Variants in MARCO observed in about 807,000 individuals in gnomAD.
The protein encoded by MARCO is macrophage receptor with collagenous structure.
MARCO carries 72 observed loss-of-function variants against 70.0 expected under a neutral mutation model. That is an observed-to-expected ratio of 1.03 (90% CI 0.85 to 1.25). The LOEUF (loss-of-function observed/expected upper bound fraction) is 1.25, where lower values mean the gene tolerates loss of function less well. Among genes scored for constraint, MARCO ranks in the 50% most tolerant of loss-of-function variants. MARCO has a pLI of 0.00. For missense variants in MARCO, 696 were observed against 659.3 expected (o/e 1.06, Z -0.61); for synonymous variants, 273 against 243.1 (o/e 1.12, Z -1.14).
In MARCO at chr2:118,990,570, T is replaced by TGTG; in HGVS notation, c.1064-19_1064-18insGTG. 9.3e-7 allele frequency: 1 copy of TGTG among 1,075,614 alleles called. No homozygotes were observed. Among genetic ancestry groups the TGTG allele is most frequent in the Non-Finnish European group, 1.4e-6 (1 of 716,522 alleles). 66.6% of individuals were successfully genotyped at this position (1,075,614 alleles called of 1,614,324 possible). Reference sequence around the variant, plus strand: ...GTTTTATTATCTCCTCCCCCCCCCCTTTTTTGTTTTGATCTTAGGACTTCA... The same window carrying TGTG: ...GTTTTATTATCTCCTCCCCCCCCCCTGTGTTTTTGTTTTGATCTTAGGACTTCA... On this transcript the variant is annotated intron_variant, in intron 12 of 16. Coordinates refer to ENST00000327097, the MANE Select transcript of MARCO (RefSeq NM_006770.4).
intron 1 of MARCO, among the ~76,000 whole-genome samples, chr2:118,964,536 G>T (rs1482987953): frequency 6.6e-6 from 1 of 152,048 alleles, no homozygotes; most frequent in Non-Finnish European, 1.5e-5. Flanking sequence ...CACAAAATAA[G>T]CTGTACCACT....
rs374403200 is a variant in MARCO at position 118,947,751 on chromosome 2, C to T, written c.97+5354C>T. On this transcript the variant is annotated intron_variant, in intron 1 of 16. Transcript: ENST00000327097. ...TTGATTACTATAGTTATATTGTAAGCGTTATTATCAAATAGAGTTATTCCT... is the reference window on the plus strand; with the variant it reads ...TTGATTACTATAGTTATATTGTAAGTGTTATTATCAAATAGAGTTATTCCT... 6.6e-5 allele frequency among the ~76,000 whole-genome samples: 10 copies of T among 152,240 alleles called. No individual in the cohort carries two copies. In the South Asian group the frequency reaches 1.7e-3, roughly 25 times the overall value.
intron 4 of MARCO, 69 bp from the exon 5 acceptor site, chr2:118,974,264 A>T: frequency 1.1e-6 from 1 of 890,766 alleles, no homozygotes; most frequent in Non-Finnish European, 1.8e-6. Flanking sequence ...TCACCATGTA[A>T]GTGATTGCAT....
intron 1 of MARCO, among the ~76,000 whole-genome samples, chr2:118,950,679 C>T (rs931765961): frequency 2.6e-5 from 4 of 152,176 alleles, no homozygotes; most frequent in Admixed American, 6.5e-5. Flanking sequence ...GACAATTCTT[C>T]GACATGCCTC....
chr2:118,964,009 A>G (rs1380787840), intron 1 of MARCO, among the ~76,000 whole-genome samples: 2 of 151,830 alleles, frequency 1.3e-5, no homozygotes, highest in Non-Finnish European at 2.9e-5. Context: ...AGTGTTTTTT[A>G]TTGAATAGTT....
rs1573391106 is a variant in MARCO, at chr2:118,970,141, T to G, written c.227T>G (p.Val76Gly). 6.2e-7 allele frequency: 1 copy of G among 1,613,912 alleles called. No homozygotes were observed. The highest frequency in any genetic ancestry group is 1.7e-4 in the Middle Eastern group (1 of 6,026). The change falls in exon 3 of 17, where the codon GTC becomes GGC. Residue 76 changes from valine to glycine, a missense_variant. Physicochemically the swap from Val to Gly is moderately radical, Grantham distance 109. Around this residue, in one of 3 missense-constraint regions of MARCO, gnomAD observed 605 missense variants for 537.6 expected, o/e 1.13. Coordinates refer to ENST00000327097, the MANE Select transcript of MARCO (RefSeq NM_006770.4). ...QVLNLQARLR[V>G]LEMYFLNDTL... ...CTGAATCTGCAGGCGCGGCTCCGGGTCCTGGAGATGTATTTCCTCAATGAC... is the reference window on the plus strand; with the variant it reads ...CTGAATCTGCAGGCGCGGCTCCGGGGCCTGGAGATGTATTTCCTCAATGAC...
At chr2:118,971,252 A>T (rs1277900244) in intron 3 of MARCO, among the ~76,000 whole-genome samples, 1 of 150,124 alleles carries the variant, frequency 6.7e-6, no homozygotes, top group Non-Finnish European at 1.5e-5. Flanking sequence ...CACCTCCAAG[A>T]CTCCCAGGGA....
At chr2:118,983,114 A>G (rs1680425794) in intron 12 of MARCO, among the ~76,000 whole-genome samples, 1 of 152,116 alleles carries the variant, frequency 6.6e-6, no homozygotes, top group Non-Finnish European at 1.5e-5. Context: ...ATGTGGGCAC[A>G]CTCTGATTGG....
chr2:118,969,162 C>T lies in MARCO; in HGVS notation c.100C>T (p.Pro34Ser). The change falls in exon 2 of 17, where the codon CCA (proline) becomes TCA (serine). Residue 34 changes from proline to serine, a missense_variant and splice_region_variant. By Grantham distance (74) the Pro-to-Ser change is moderately conservative. Around this residue, in one of 3 missense-constraint regions of MARCO, gnomAD observed 605 missense variants for 537.6 expected, o/e 1.13. Transcript: ENST00000327097. ...IAMEPFEINV[P>S]KPKRRNGVNF... ...CTTCCTCCTGGCTTGTGTTTCAGTT[C>T]CAAAGCCCAAGAGGAGAAATGGGGT... 6.2e-7 allele frequency: 1 copy of T among 1,612,616 alleles called. No individual in the cohort carries two copies. Among genetic ancestry groups the T allele is most frequent in the Non-Finnish European group, 8.5e-7 (1 of 1,178,586 alleles).
rs1225909123 is a variant in MARCO at position 118,977,885 on chromosome 2, C to T, written c.716C>T (p.Pro239Leu). The change falls in exon 8 of 17, where the codon CCA becomes CTA. Residue 239 changes from proline to leucine, a missense_variant. Around this residue, in one of 3 missense-constraint regions of MARCO, gnomAD observed 605 missense variants for 537.6 expected, o/e 1.13. Coordinates refer to ENST00000327097, the MANE Select transcript of MARCO (RefSeq NM_006770.4). The stretch of plus-strand genomic sequence containing the variant: ...AAAGGCGATGGGGGTCTCATTGGCC[C>T]AAAAGGGGAAACTGGAACTAAGGGA... ...GSKGDGGLIG[P>L]KGETGTKGEK... 6.2e-6 allele frequency: 10 copies of T among 1,612,612 alleles called. No individual in the cohort carries two copies. The highest frequency in any genetic ancestry group is 1.7e-5 in the Admixed American group (1 of 59,910).
At chr2:118,962,751 T>A in intron 1 of MARCO, among the ~76,000 whole-genome samples, 1 of 152,112 alleles carries the variant, frequency 6.6e-6, no homozygotes, top group East Asian at 1.9e-4. Flanking sequence ...ATATTTCTTT[T>A]CTGGGAGCTT....
chr2:118,986,205 C>T (rs1376485369), intron 12 of MARCO, among the ~76,000 whole-genome samples: 1 of 152,176 alleles, frequency 6.6e-6, no homozygotes, highest in Non-Finnish European at 1.5e-5. Context: ...AGTCCCTTAT[C>T]CTTCATCTCA....
chr2:118,949,582 G>T (rs1297033933), intron 1 of MARCO: 1 of 152,128 alleles, frequency 6.6e-6, no homozygotes, highest in Admixed American at 6.5e-5. Flanking sequence ...CCTACAGTGG[G>T]GTTAGAGTTG....
intron 1 of MARCO, among the ~76,000 whole-genome samples, chr2:118,967,944 C>T (rs1274654392): frequency 6.6e-6 from 1 of 152,158 alleles, no homozygotes; most frequent in Admixed American, 6.5e-5. Context: ...TCAGTGCAGG[C>T]TAGTGAGGCA....
intron 1 of MARCO, among the ~76,000 whole-genome samples, chr2:118,946,363 A>G (rs767926713): frequency 6.6e-6 from 1 of 152,106 alleles, no homozygotes; most frequent in Non-Finnish European, 1.5e-5. Flanking sequence ...GGCAACCACT[A>G]ATCTGCTTCC....
intron 12 of MARCO, among the ~76,000 whole-genome samples, chr2:118,988,762 G>A (rs1680562177): frequency 6.6e-6 from 1 of 152,118 alleles, no homozygotes; most frequent in Non-Finnish European, 1.5e-5. Context: ...AAGCCCTTCA[G>A]GTCAATAGCA....
intron 13 of MARCO, among the ~76,000 whole-genome samples, chr2:118,991,562 A>C (rs910614918): frequency 3.3e-5 from 5 of 152,202 alleles, no homozygotes; most frequent in African/African-American, 7.2e-5. Flanking sequence ...ACCACCAGCT[A>C]TTTTAGCCTG....
intron 12 of MARCO, among the ~76,000 whole-genome samples, chr2:118,983,719 G>A (rs1680435615): frequency 6.6e-6 from 1 of 152,034 alleles, no homozygotes; most frequent in Non-Finnish European, 1.5e-5. Flanking sequence ...TATGAGACCT[G>A]ATGCTCTCTT....
At chr2:118,961,640 G>A (rs574957499) in intron 1 of MARCO, among the ~76,000 whole-genome samples, 25 of 151,984 alleles carry the variant, frequency 1.6e-4, no homozygotes, top group Non-Finnish European at 3.1e-4. Context: ...TGGATAGATC[G>A]CAAAAAATTT....
Sources: gnomAD v4.1 joint callset for allele counts (sites outside exome capture counted in the v4.1 genomes callset) on GRCh38, gnomAD v4.1.1 for gene constraint, gnomAD v4.1.1 regional missense constraint, MANE v1.5 for transcripts, NCBI Gene and HGNC (gene_info 2026-07-23, HGNC 2026-07-21) for gene names.